BTBD16: variants seen among roughly 807,000 people sequenced by gnomAD.
BTBD16 encodes BTB/POZ domain-containing protein 16.
In BTBD16, 66 loss-of-function variants were observed where a neutral mutation model predicts 67.4. The observed-to-expected ratio is 0.98, with a 90% confidence interval of 0.80 to 1.20. The LOEUF (loss-of-function observed/expected upper bound fraction) is 1.20. Among genes scored for constraint, BTBD16 ranks in the 50% most tolerant of loss-of-function variants. The pLI is 0.00. For synonymous variants in BTBD16, 242 were observed against 236.4 expected (o/e 1.02, Z -0.22); for missense variants, 634 against 616.0 (o/e 1.03, Z -0.31).
chr10:122,307,334 G>A, intron 10 of BTBD16, 26 bp downstream of exon 10: 1 of 1,574,658 alleles, frequency 6.4e-7, no homozygotes, highest in Non-Finnish European at 8.6e-7. Flanking sequence ...GTTGATTGAT[G>A]AAATACACAA....
At position 122,336,608 on chromosome 10, in the gene BTBD16, G is replaced by A. The variant is rs184112208; in HGVS notation, c.1378G>A (p.Gly460Ser). 119 of 1,612,802 alleles carry A rather than the reference G, an allele frequency of 7.4e-5. No individual in the cohort carries two copies. The highest frequency in any genetic ancestry group is 6.6e-4 in the Middle Eastern group (4 of 6,058). The change falls in exon 15 of 16, where the codon GGC becomes AGC. Residue 460 changes from glycine (G) to serine (S), a missense_variant. Physicochemically the swap from Gly to Ser is moderately conservative, Grantham distance 56 (BLOSUM62 0). Transcript: ENST00000260723. ...GATCAGAGCAGAGGCCCTGGTTGAC[G>A]GCAAGTGGCAGGAGTTCAGGACAAA... is the stretch of plus-strand genomic sequence containing the variant. The part of the protein sequence containing the change: ...YEIRAEALVD[G>S]KWQEFRTNQI...
intron 15 of BTBD16, among the ~76,000 whole-genome samples, chr10:122,336,943 C>A (rs1464392146): frequency 6.6e-6 from 1 of 152,154 alleles, no homozygotes; most frequent in Admixed American, 6.5e-5. Flanking sequence ...TTATAAGCAT[C>A]AAAGGGTATT....
intron 3 of BTBD16, among the ~76,000 whole-genome samples, chr10:122,280,346 G>A (rs761790145): frequency 1.1e-4 from 16 of 152,080 alleles, no homozygotes; most frequent in South Asian, 2.1e-4. Context: ...GATCCAGCAC[G>A]GGAGGTGTGT....
intron 9 of BTBD16, among the ~76,000 whole-genome samples, chr10:122,305,575 G>A (rs2096402246): frequency 6.6e-6 from 1 of 152,178 alleles, no homozygotes; most frequent in African/African-American, 2.4e-5. Context: ...CTCTCCAGAA[G>A]CCAAGCAGAT....
chr10:122,286,407 C>A, intron 5 of BTBD16, 159 bp downstream of exon 5: 2 of 730,574 alleles, frequency 2.7e-6, no homozygotes, highest in Non-Finnish European at 1.7e-6. Flanking sequence ...TCAGTTTCCT[C>A]AAGTGTAAAA....
intron 4 of BTBD16, 73 bp from the exon 5 acceptor site, chr10:122,286,032 G>A: frequency 7.0e-7 from 1 of 1,427,822 alleles, no homozygotes. Context: ...AGGAGCTGGG[G>A]GAGAGGAAGC....
At chr10:122,334,494 CTTTTTTTTTTTTTTTT>C (rs869262992) in intron 13 of BTBD16, among the ~76,000 whole-genome samples, 2 of 43,256 alleles carry the variant, frequency 4.6e-5, no homozygotes, top group African/African-American at 2.5e-4. Flanking sequence ...CGTGCCCGGC[CTTTTTTTTTTTTTTTT>C]TTTTTTTTTT....
intron 11 of BTBD16, among the ~76,000 whole-genome samples, 193 bp downstream of exon 11, chr10:122,329,764 G>A (rs1274792628): frequency 6.6e-6 from 1 of 152,198 alleles, no homozygotes; most frequent in African/African-American, 2.4e-5. Flanking sequence ...TCTGTAAAAC[G>A]AGGGTAATCT....
Position 122,283,725 on chromosome 10 carries a change from G to A in BTBD16, c.168-126G>A, listed in dbSNP as rs989521239. The A allele has an allele frequency of 2.5e-5, 18 of 721,238 alleles. No individual in the cohort carries two copies. In the African/African-American group the frequency reaches 3.0e-4, roughly 12 times the overall value. 44.7% of individuals were successfully genotyped at this position (721,238 alleles called of 1,614,324 possible). On this transcript the variant is annotated intron_variant, in intron 3 of 15. Transcript: ENST00000260723. ...GGTGACCTGAGGAAACTCTTCCAAA[G>A]GGCGAGATATGATTAGCTTGATCAA...
intron 3 of BTBD16, 137 bp downstream of exon 3, chr10:122,277,076 G>T: frequency 6.0e-6 from 6 of 997,556 alleles, no homozygotes; most frequent in South Asian, 2.0e-5. Context: ...TCTGGAGCCA[G>T]CTCTCAGGCA....
chr10:122,277,160 T>TTTTTTC (rs1554886304), intron 3 of BTBD16, among the ~76,000 whole-genome samples: 19 of 145,172 alleles, frequency 1.3e-4, no homozygotes, highest in African/African-American at 4.6e-4. Flanking sequence ...GATTGAATTT[T>TTTTTTC]TTTTTTTTTT....
At chr10:122,307,539 G>A (rs2096405827) in intron 10 of BTBD16, among the ~76,000 whole-genome samples, 1 of 151,888 alleles carries the variant, frequency 6.6e-6, no homozygotes, top group South Asian at 2.1e-4. Context: ...GGTGCTTCTG[G>A]GAACTTGCTG....
intron 7 of BTBD16, among the ~76,000 whole-genome samples, chr10:122,296,900 C>T (rs969978907): frequency 3.3e-5 from 5 of 152,232 alleles, no homozygotes; most frequent in Middle Eastern, 3.2e-3. Flanking sequence ...CCAGCCCTGA[C>T]ATTCCTTCAA....
intron 3 of BTBD16, among the ~76,000 whole-genome samples, chr10:122,281,999 C>G (rs2096354183): frequency 6.6e-6 from 1 of 152,204 alleles, no homozygotes; most frequent in Admixed American, 6.5e-5. Context: ...GTTCCGTTCA[C>G]TTTTCCAGTG....
chr10:122,272,678 T>TATACACACACACACAC (rs370257419), intron 1 of BTBD16, among the ~76,000 whole-genome samples: 17 of 147,590 alleles, frequency 1.2e-4, no homozygotes, highest in Non-Finnish European at 2.6e-4. Context: ...GCAAAGGAAA[T>TATACACACACACACAC]ACACACACAC....
intron 3 of BTBD16, 107 bp downstream of exon 3, chr10:122,277,046 C>G: frequency 7.6e-7 from 1 of 1,322,162 alleles, no homozygotes; most frequent in Non-Finnish European, 1.0e-6. Context: ...GTCAAGGGCA[C>G]ATCTGCAAGG....
chr10:122,310,274 C>T (rs60998496), intron 10 of BTBD16, among the ~76,000 whole-genome samples: 2,086 of 152,286 alleles, frequency 0.014, 33 homozygotes, highest in South Asian at 0.048. Flanking sequence ...AAGAATGTCG[C>T]AGTAGATTAG....
At chr10:122,317,109 C>G (rs932371412) in intron 10 of BTBD16, among the ~76,000 whole-genome samples, 1 of 152,156 alleles carries the variant, frequency 6.6e-6, no homozygotes, top group Admixed American at 6.5e-5. Flanking sequence ...TTTATAAACG[C>G]TGTGTACTTA....
chr10:122,310,437 GC>G (rs1483689222), intron 10 of BTBD16, among the ~76,000 whole-genome samples: 7 of 152,186 alleles, frequency 4.6e-5, no homozygotes, highest in Non-Finnish European at 1.0e-4. Flanking sequence ...GGCTCCAGCT[GC>G]CCCGAGGTAC....
Sources: allele counts gnomAD v4.1 joint callset (sites outside exome capture counted in the v4.1 genomes callset), GRCh38; gene constraint gnomAD v4.1.1; transcripts MANE v1.5; gene names NCBI Gene and HGNC (gene_info 2026-07-23, HGNC 2026-07-21).